The following TENM2 variants were observed in gnomAD, a reference collection of about 807,000 sequenced individuals.
TENM2 encodes the protein teneurin transmembrane protein 2.
Under a neutral mutation model 245.2 loss-of-function variants are expected in TENM2, and 52 were observed. That is an observed-to-expected ratio of 0.21 (90% CI 0.17 to 0.27). The LOEUF (loss-of-function observed/expected upper bound fraction) is 0.27, where lower values mean the gene tolerates loss of function less well. Among genes scored for constraint, TENM2 ranks in the 10% least tolerant of loss-of-function variants. The pLI is 1.00. For synonymous variants in TENM2, 1,363 were observed against 1,438.9 expected (o/e 0.95, Z 1.19); for missense variants, 3,046 against 3,666.8 (o/e 0.83, Z 4.37).
At chr5:167,628,789 T>A (rs1012604084) in intron 2 of TENM2, among the ~76,000 whole-genome samples, 1 of 152,240 alleles carries the variant, frequency 6.6e-6, no homozygotes, top group East Asian at 1.9e-4. Context: ...ACCTTGCAGT[T>A]GAGGATAAAG....
intron 3 of TENM2, among the ~76,000 whole-genome samples, chr5:167,877,052 T>C (rs1773485033): frequency 6.6e-6 from 1 of 152,198 alleles, no homozygotes; most frequent in South Asian, 2.1e-4. Context: ...AGAGTATAAG[T>C]GTCCATGGCC....
chr5:167,339,226 A>G (rs1757956525), intron 1 of TENM2, among the ~76,000 whole-genome samples: 1 of 152,224 alleles, frequency 6.6e-6, no homozygotes, highest in Non-Finnish European at 1.5e-5. Context: ...CTCCTGCTGT[A>G]ACACTGTGAA....
At chr5:167,498,989 G>T (rs1769001207) in intron 2 of TENM2, among the ~76,000 whole-genome samples, 1 of 152,086 alleles carries the variant, frequency 6.6e-6, no homozygotes, top group Non-Finnish European at 1.5e-5. Flanking sequence ...TAAAAAAATT[G>T]TAACATATAC....
At chr5:167,755,286 A>C in intron 2 of TENM2, 1 of 881,534 alleles carries the variant, frequency 1.1e-6, no homozygotes, top group Non-Finnish European at 1.8e-6. Context: ...CCTTCAGCGG[A>C]TACCAAGGGA....
chr5:167,331,811 A>G (rs770186609), intron 1 of TENM2, among the ~76,000 whole-genome samples: 4 of 152,226 alleles, frequency 2.6e-5, no homozygotes, highest in Non-Finnish European at 5.9e-5. Context: ...ATGATTTCTC[A>G]GAGCCCAAGT....
At chr5:167,195,094 G>A in the TENM2 span, among the ~76,000 whole-genome samples, 1 of 152,016 alleles carries the variant, frequency 6.6e-6, no homozygotes, top group Non-Finnish European at 1.5e-5. Context: ...AGAGCAGCTG[G>A]TAGGATGTGT....
chr5:167,876,561 C>T (rs1165207768), intron 3 of TENM2, among the ~76,000 whole-genome samples: 1 of 152,114 alleles, frequency 6.6e-6, no homozygotes, highest in Non-Finnish European at 1.5e-5. Flanking sequence ...CTCACAGGCC[C>T]AATTTGTGTG....
At chr5:168,124,495 C>T (rs558728912) in intron 10 of TENM2, among the ~76,000 whole-genome samples, 3 of 152,224 alleles carry the variant, frequency 2.0e-5, no homozygotes, top group Non-Finnish European at 2.9e-5. Flanking sequence ...ATTCCTATCG[C>T]AGATGCTCTG....
At chr5:167,052,497 C>T in the TENM2 span, among the ~76,000 whole-genome samples, 36 of 152,186 alleles carry the variant, frequency 2.4e-4, no homozygotes, top group African/African-American at 7.9e-4. Flanking sequence ...TTATTTTAAA[C>T]GGTCCTTTGA....
intron 2 of TENM2, among the ~76,000 whole-genome samples, chr5:167,451,720 C>G (rs935121568): frequency 6.6e-6 from 1 of 151,890 alleles, no homozygotes; most frequent in African/African-American, 2.4e-5. Context: ...GCGACCTGGG[C>G]TCACTGCAAG....
chr5:168,155,403 AGG>A (rs5873092), intron 12 of TENM2, among the ~76,000 whole-genome samples: 81,834 of 146,374 alleles, frequency 0.56, 23,362 homozygotes, highest in East Asian at 0.94. Context: ...AGTTGGTGAA[AGG>A]GGGGGGGGGT....
At chr5:167,061,091 A>AACAC in the TENM2 span, among the ~76,000 whole-genome samples, 3,498 of 149,716 alleles carry the variant, frequency 0.023, 65 homozygotes, top group Non-Finnish European at 0.034. Context: ...CTCTCTCCAA[A>AACAC]ACACACACAC....
intron 1 of TENM2, among the ~76,000 whole-genome samples, chr5:167,306,944 T>C (rs1755714859): frequency 6.6e-6 from 1 of 152,216 alleles, no homozygotes; most frequent in Non-Finnish European, 1.5e-5. Context: ...GTTAGTTACT[T>C]GACCAAGTGC....
intron 12 of TENM2, among the ~76,000 whole-genome samples, chr5:168,155,414 G>T (rs1581472907): frequency 8.4e-6 from 1 of 119,556 alleles, no homozygotes; most frequent in Non-Finnish European, 1.8e-5. Flanking sequence ...GGGGGGGGGG[G>T]TCCATAATTA....
intron 2 of TENM2, among the ~76,000 whole-genome samples, chr5:167,543,830 G>C (rs1005196433): frequency 3.9e-5 from 6 of 152,128 alleles, no homozygotes; most frequent in African/African-American, 1.2e-4. Flanking sequence ...GTGTCACACA[G>C]AGTTCCCCTT....
intron 2 of TENM2, among the ~76,000 whole-genome samples, chr5:167,381,574 G>A (rs1258756053): frequency 6.6e-6 from 1 of 152,172 alleles, no homozygotes; most frequent in Non-Finnish European, 1.5e-5. Context: ...AGAAGATTCA[G>A]TCACACTGGT....
At chr5:168,042,600 A>G (rs1464116437) in intron 5 of TENM2, among the ~76,000 whole-genome samples, 3 of 151,724 alleles carry the variant, frequency 2.0e-5, no homozygotes, top group Non-Finnish European at 4.4e-5. Context: ...GAGAATCCTC[A>G]GTTACTCGCA....
chr5:167,137,962 G>A, the TENM2 span, among the ~76,000 whole-genome samples: 1 of 152,198 alleles, frequency 6.6e-6, no homozygotes, highest in African/African-American at 2.4e-5. Flanking sequence ...TTCTAAGGGT[G>A]AGAGTCAAGA....
the TENM2 span, among the ~76,000 whole-genome samples, chr5:167,140,841 A>G: frequency 6.6e-6 from 1 of 152,168 alleles, no homozygotes; most frequent in African/African-American, 2.4e-5. Flanking sequence ...TAAAATATTT[A>G]TTATCAACTA....
Sources: gnomAD v4.1 joint callset for allele counts (sites outside exome capture counted in the v4.1 genomes callset) on GRCh38, gnomAD v4.1.1 for gene constraint, MANE v1.5 for transcripts, NCBI Gene and HGNC (gene_info 2026-07-23, HGNC 2026-07-21) for gene names.